SAMD3: variants seen among roughly 807,000 people sequenced by gnomAD.
SAMD3 encodes sterile alpha motif domain-containing protein 3.
A neutral mutation model predicts 58.5 loss-of-function variants in SAMD3; 63 were observed. The observed-to-expected ratio is 1.08, with a 90% CI of 0.88 to 1.33. SAMD3 has a LOEUF of 1.33. Ranked by LOEUF, SAMD3 falls within the 40% of genes most tolerant of loss-of-function variation. The probability of loss-of-function intolerance (pLI) is 0.00; values close to 1 mark genes in which losing one functional copy is unlikely to be tolerated. For synonymous variants in SAMD3, 220 were observed against 210.3 expected (o/e 1.05, Z -0.40); for missense variants, 604 against 608.4 (o/e 0.99, Z 0.08).
At chr6:130,203,027 C>T (rs1794783269) in intron 5 of SAMD3, among the ~76,000 whole-genome samples, 1 of 152,196 alleles carries the variant, frequency 6.6e-6, no homozygotes, top group Admixed American at 6.5e-5. Context: ...TCTACAGCAA[C>T]AACCGACTGG....
chr6:130,242,507 T>C (rs761402583), intron 2 of SAMD3, among the ~76,000 whole-genome samples: 2 of 152,168 alleles, frequency 1.3e-5, no homozygotes, highest in African/African-American at 2.4e-5. Flanking sequence ...TTTTGGATAG[T>C]AATACATGTG....
upstream of SAMD3, among the ~76,000 whole-genome samples, chr6:130,224,595 ATTATTATTATTATT>A (rs1562466682): frequency 2.1e-5 from 1 of 48,372 alleles, no homozygotes; most frequent in African/African-American, 3.6e-4. Context: ...CTATTTATTT[ATTATTATTATTATT>A]ATTATTATTA....
chr6:130,362,833 T>G (rs906709322), intron 1 of SAMD3, among the ~76,000 whole-genome samples: 3 of 152,200 alleles, frequency 2.0e-5, no homozygotes, highest in African/African-American at 7.2e-5. Context: ...GCAACATCTT[T>G]CTGCTGTGAA....
At chr6:130,196,341 T>C (rs918372430) in intron 5 of SAMD3, among the ~76,000 whole-genome samples, 5 of 152,186 alleles carry the variant, frequency 3.3e-5, no homozygotes, top group Non-Finnish European at 7.3e-5. Flanking sequence ...CTTTGTTAAG[T>C]CCCACAATTA....
chr6:130,309,692 A>G (rs1174468920), intron 2 of SAMD3, among the ~76,000 whole-genome samples: 1 of 152,232 alleles, frequency 6.6e-6, no homozygotes, highest in Non-Finnish European at 1.5e-5. Flanking sequence ...ACCAGAGGAA[A>G]GAAGTAAACT....
At chr6:130,324,772 ATTTTTTTTTTTTTGGAATAGAAAAATG>A (rs1776699876) in intron 1 of SAMD3, among the ~76,000 whole-genome samples, 2 of 147,630 alleles carry the variant, frequency 1.4e-5, no homozygotes, top group Non-Finnish European at 1.5e-5. Context: ...TTTGGAGAAC[ATTTTTTTTTTTTTGGAATAGAAAAATG>A]TTAACTCATT....
At chr6:130,310,511 T>C (rs1279134333) in intron 2 of SAMD3, among the ~76,000 whole-genome samples, 3 of 152,226 alleles carry the variant, frequency 2.0e-5, no homozygotes, top group Admixed American at 1.3e-4. Context: ...ATATACCACA[T>C]TATAACAAAA....
intron 2 of SAMD3, among the ~76,000 whole-genome samples, chr6:130,258,614 A>G (rs1393013351): frequency 1.3e-5 from 2 of 152,188 alleles, no homozygotes; most frequent in Non-Finnish European, 2.9e-5. Flanking sequence ...ACTATCACAC[A>G]CAAAAGAGTC....
At chr6:130,355,057 T>A (rs753788670) in intron 1 of SAMD3, among the ~76,000 whole-genome samples, 7 of 152,212 alleles carry the variant, frequency 4.6e-5, no homozygotes, top group Non-Finnish European at 8.8e-5. Context: ...GTTTCCCAGA[T>A]AAAGTGAACT....
chr6:130,147,619 C>T (rs1270646852), intron 9 of SAMD3, among the ~76,000 whole-genome samples: 2 of 152,158 alleles, frequency 1.3e-5, no homozygotes, highest in African/African-American at 4.8e-5. Context: ...AGATACAATG[C>T]CCCACTATTC....
chr6:130,150,207 G>A lies in SAMD3; in HGVS notation c.1024-4026C>T, dbSNP rs139780031. Among the ~76,000 whole-genome samples the A allele has an allele frequency of 2.8e-3, 424 of 152,206 alleles. 2 individuals are homozygous for A. Among genetic ancestry groups the A allele is most frequent in the African/African-American group, 9.2e-3 (381 of 41,508 alleles). On this transcript the variant is annotated intron_variant, in intron 9 of 11. Transcript: ENST00000439090. ...TACTGGTCTTATCCTGTTCCCCACC[G>A]TCCTGTCCTGAAGCAGCTGGCTTGC...
chr6:130,197,297 C>T (rs936882487), intron 5 of SAMD3, among the ~76,000 whole-genome samples: 12 of 152,194 alleles, frequency 7.9e-5, no homozygotes, highest in African/African-American at 2.9e-4. Context: ...TCTTATTCAC[C>T]GTTCTCAACT....
intron 2 of SAMD3, among the ~76,000 whole-genome samples, chr6:130,258,140 T>C (rs963862028): frequency 6.6e-6 from 1 of 152,186 alleles, no homozygotes; most frequent in African/African-American, 2.4e-5. Context: ...CAATAAGCTG[T>C]TTTGAACATT....
At chr6:130,282,791 A>G (rs1485396285) in intron 2 of SAMD3, among the ~76,000 whole-genome samples, 1 of 152,242 alleles carries the variant, frequency 6.6e-6, no homozygotes, top group Non-Finnish European at 1.5e-5. Flanking sequence ...CTTCTCACAA[A>G]GTCTGGAAAC....
chr6:130,363,425 G>C (rs770992125), intron 1 of SAMD3, among the ~76,000 whole-genome samples: 1 of 152,054 alleles, frequency 6.6e-6, no homozygotes, highest in Non-Finnish European at 1.5e-5. Context: ...ACTATACCAA[G>C]AGTGAAAATG....
intron 7 of SAMD3, among the ~76,000 whole-genome samples, chr6:130,180,953 C>CTTTCTT (rs56707260): frequency 3.4e-5 from 4 of 117,362 alleles, no homozygotes; most frequent in Admixed American, 9.1e-5. Flanking sequence ...TTCTTTCTTT[C>CTTTCTT]TTTTTTCTTT....
chr6:130,320,773 A>G (rs917279714), intron 1 of SAMD3, among the ~76,000 whole-genome samples: 1 of 152,234 alleles, frequency 6.6e-6, no homozygotes, highest in Non-Finnish European at 1.5e-5. Context: ...CATTTATATA[A>G]AATTCTTAAA....
chr6:130,215,591 C>T (rs1795957993), intron 2 of SAMD3: 2 of 1,358,004 alleles, frequency 1.5e-6, no homozygotes, highest in East Asian at 5.4e-5. Context: ...CAGCCAGGGA[C>T]ATACAATGGT....
In SAMD3 at chr6:130,145,805, T is replaced by C. The variant is rs543460343; in HGVS notation, c.1195+205A>G. Reference sequence around the variant, plus strand: ...CTCTAATTGGAAAAATTCTTTTTTTTCCCCACCAGTTGTTTCACTTATTAC... The same window carrying C: ...CTCTAATTGGAAAAATTCTTTTTTTCCCCCACCAGTTGTTTCACTTATTAC... On this transcript the variant is annotated intron_variant, in intron 10 of 11. Transcript: ENST00000439090. Among the ~76,000 whole-genome samples the C allele has an allele frequency of 9.6e-4, 146 of 152,114 alleles. 1 individual carries two copies. The highest frequency in any genetic ancestry group is 1.6e-3 in the Non-Finnish European group (109 of 67,990).
Sources: allele counts gnomAD v4.1 joint callset (sites outside exome capture counted in the v4.1 genomes callset), GRCh38; gene constraint gnomAD v4.1.1; transcripts MANE v1.5; gene names NCBI Gene and HGNC (gene_info 2026-07-23, HGNC 2026-07-21).